GBE1: variants seen among roughly 807,000 people sequenced by gnomAD.
GBE1 encodes 1,4-alpha-glucan branching enzyme 1, also known as 1,4-alpha-glucan-branching enzyme.
In GBE1, 70 loss-of-function variants were observed where a neutral mutation model predicts 88.8. The ratio of observed to expected loss-of-function variants is 0.79; its 90% CI spans 0.65 to 0.96. GBE1 has a LOEUF of 0.96. Among genes scored for constraint, GBE1 ranks in the 40% least tolerant of loss-of-function variants. GBE1 has a pLI of 0.00. For synonymous variants in GBE1, 284 were observed against 300.1 expected (o/e 0.95, Z 0.56); for missense variants, 872 against 871.0 (o/e 1.00, Z -0.01).
At chr3:81,527,278 C>G (rs1417652971) in intron 14 of GBE1, among the ~76,000 whole-genome samples, 2 of 152,046 alleles carry the variant, frequency 1.3e-5, no homozygotes, top group East Asian at 3.9e-4. Context: ...TAGAAGAAAA[C>G]CTAGGCAATA....
At chr3:81,702,807 G>A (rs892900599) in intron 2 of GBE1, among the ~76,000 whole-genome samples, 11 of 151,900 alleles carry the variant, frequency 7.2e-5, no homozygotes, top group African/African-American at 2.7e-4. Flanking sequence ...TTTAATTACT[G>A]TACTTTTAAC....
chr3:81,761,151 A>G (rs1234576784), intron 1 of GBE1, among the ~76,000 whole-genome samples: 1 of 152,212 alleles, frequency 6.6e-6, no homozygotes, highest in Non-Finnish European at 1.5e-5. Flanking sequence ...GGATGAGGAA[A>G]GAAGTTTCTT....
chr3:81,752,446 T>C (rs555304721), intron 1 of GBE1, among the ~76,000 whole-genome samples: 2 of 152,262 alleles, frequency 1.3e-5, no homozygotes, highest in South Asian at 2.1e-4. Flanking sequence ...AGCTGTTTGA[T>C]GCCCAAGAAT....
At chr3:81,624,417 G>A (rs1704375212) in intron 7 of GBE1, among the ~76,000 whole-genome samples, 1 of 152,084 alleles carries the variant, frequency 6.6e-6, no homozygotes, top group Non-Finnish European at 1.5e-5. Context: ...ATCAACATTT[G>A]TTCATAAAGC....
At chr3:81,726,033 AAC>A (rs1286807870) in intron 1 of GBE1, among the ~76,000 whole-genome samples, 1 of 152,014 alleles carries the variant, frequency 6.6e-6, no homozygotes, top group African/African-American at 2.4e-5. Flanking sequence ...AGGTTACTTA[AAC>A]TGATAATCAA....
In GBE1 at chr3:81,669,386, G is replaced by T. The variant is rs1269190470; in HGVS notation, c.429+1452C>A. 2.0e-5 allele frequency among the ~76,000 whole-genome samples: 3 copies of T among 152,126 alleles called. No individual in the cohort carries two copies. The East Asian group carries it at 5.8e-4, about 29-fold the overall frequency. ...AAGTTCAGTTCTCAAAAAAAGTTCC[G>T]AACCTAAAACAAAGGTTAAAAAAAC... is the stretch of plus-strand genomic sequence containing the variant. On this transcript the variant is annotated intron_variant, in intron 3 of 15. Transcript: ENST00000429644.
At chr3:81,536,851 C>T (rs1703081242) in intron 13 of GBE1, 60 bp downstream of exon 13, 1 of 1,289,672 alleles carries the variant, frequency 7.8e-7, no homozygotes, top group Non-Finnish European at 1.1e-6. Flanking sequence ...AAATTGGTTG[C>T]CATTCTAGGC....
intron 7 of GBE1, among the ~76,000 whole-genome samples, chr3:81,628,734 A>T (rs1704455356): frequency 1.9e-5 from 2 of 107,294 alleles, no homozygotes; most frequent in African/African-American, 3.4e-5. Context: ...AAGGAGAAAG[A>T]ACAATTGCAT....
At chr3:81,573,788 T>TGTGTGC (rs67990780) in intron 12 of GBE1, among the ~76,000 whole-genome samples, 4 of 151,934 alleles carry the variant, frequency 2.6e-5, no homozygotes, top group African/African-American at 9.7e-5. Flanking sequence ...TGTGTGTGTG[T>TGTGTGC]GTGTGTGTGT....
intron 9 of GBE1, among the ~76,000 whole-genome samples, chr3:81,589,693 T>C (rs984092027): frequency 1.3e-5 from 2 of 152,064 alleles, no homozygotes; most frequent in African/African-American, 4.8e-5. Flanking sequence ...TGCTTCTTTT[T>C]CTTCAGTACT....
intron 2 of GBE1, among the ~76,000 whole-genome samples, chr3:81,703,041 T>C (rs1352202296): frequency 6.6e-6 from 1 of 151,970 alleles, no homozygotes; most frequent in Non-Finnish European, 1.5e-5. Flanking sequence ...TTAATGGTGG[T>C]TCTTATAGTA....
intron 6 of GBE1, among the ~76,000 whole-genome samples, chr3:81,644,970 G>A (rs998773668): frequency 6.6e-6 from 1 of 152,132 alleles, no homozygotes; most frequent in Non-Finnish European, 1.5e-5. Context: ...AGATGAAAAT[G>A]TCATTTACTG....
intron 14 of GBE1, among the ~76,000 whole-genome samples, chr3:81,500,591 T>C (rs1702573723): frequency 6.6e-6 from 1 of 152,168 alleles, no homozygotes; most frequent in Non-Finnish European, 1.5e-5. Context: ...CGTAGGCTTT[T>C]GATAGCAGTG....
chr3:81,550,233 T>C (rs1703254145), intron 12 of GBE1, among the ~76,000 whole-genome samples: 1 of 151,546 alleles, frequency 6.6e-6, no homozygotes, highest in African/African-American at 2.4e-5. Flanking sequence ...TACTCAATGT[T>C]CTCTGAAACT....
At chr3:81,745,749 T>C (rs1706412468) in intron 1 of GBE1, among the ~76,000 whole-genome samples, 2 of 152,144 alleles carry the variant, frequency 1.3e-5, no homozygotes, top group East Asian at 3.8e-4. Flanking sequence ...TTAGGTTGAA[T>C]AGTGGAAAAA....
At chr3:81,731,620 G>A (rs748869997) in intron 1 of GBE1, among the ~76,000 whole-genome samples, 12 of 152,190 alleles carry the variant, frequency 7.9e-5, no homozygotes, top group South Asian at 2.1e-4. Flanking sequence ...GGTGGAAGGC[G>A]ACTGGATCAC....
chr3:81,675,628 G>A (rs986221507), intron 2 of GBE1, among the ~76,000 whole-genome samples: 2 of 151,898 alleles, frequency 1.3e-5, no homozygotes, highest in Non-Finnish European at 2.9e-5. Context: ...TTTTCCCATA[G>A]AAAAGTGATA....
chr3:81,515,414 G>T (rs1702785508), intron 14 of GBE1, among the ~76,000 whole-genome samples: 1 of 151,428 alleles, frequency 6.6e-6, no homozygotes, highest in East Asian at 1.9e-4. Context: ...CACAAATCAT[G>T]CACATATGCA....
intron 7 of GBE1, among the ~76,000 whole-genome samples, chr3:81,614,135 C>A (rs1190262184): frequency 6.6e-6 from 1 of 152,162 alleles, no homozygotes; most frequent in Admixed American, 6.5e-5. Flanking sequence ...CTGCCTCAGC[C>A]TCCCAAGTAG....
Sources: allele counts gnomAD v4.1 joint callset (sites outside exome capture counted in the v4.1 genomes callset), GRCh38; gene constraint gnomAD v4.1.1; transcripts MANE v1.5; gene names NCBI Gene and HGNC (gene_info 2026-07-23, HGNC 2026-07-21).